CYP4X1: variants seen among roughly 807,000 people sequenced by gnomAD.
CYP4X1 encodes cytochrome P450 family 4 subfamily X member 1, also known as cytochrome P450 4X1.
In CYP4X1, 44 loss-of-function variants were observed where a neutral mutation model predicts 57.9. The observed-to-expected ratio is 0.76, with a 90% CI of 0.60 to 0.98. The LOEUF is 0.98. Ranked by LOEUF, CYP4X1 falls within the 50% of genes least tolerant of loss-of-function variation. The pLI is 0.00. For synonymous variants in CYP4X1, 227 were observed against 228.6 expected (o/e 0.99, Z 0.06); for missense variants, 532 against 623.9 (o/e 0.85, Z 1.57).
At position 47,050,423 on chromosome 1, in the gene CYP4X1, CAATAGA is replaced by C; in HGVS notation, c.*250_*255del. ...TCACTACTATTAATGCTGTATACAC[CAATAGA>C]CTTTCATATATTTTCTGTTGTTTTT... On this transcript the variant is annotated 3_prime_UTR_variant, in exon 12 of 12. Coordinates refer to ENST00000371901, the MANE Select transcript of CYP4X1 (RefSeq NM_178033.2). 3.3e-6 allele frequency: 1 copy of C among 306,430 alleles called. No individual in the cohort carries two copies. Among genetic ancestry groups the C allele is most frequent in the Non-Finnish European group, 6.0e-6 (1 of 166,288 alleles). The allele number at this position is 306,430 out of a possible 1,614,324, so 19.0% of individuals were successfully genotyped here. A position where few individuals can be genotyped will look rare whatever the true frequency, so the allele number is the denominator to read the frequency against.
At chr1:46,969,613 A>C in the CYP4X1 span, among the ~76,000 whole-genome samples, 1 of 152,198 alleles carries the variant, frequency 6.6e-6, no homozygotes, top group Non-Finnish European at 1.5e-5. Context: ...TGTTTTTGGC[A>C]TTCATATTTC....
At chr1:47,027,046 T>G (rs965593899) in intron 1 of CYP4X1, among the ~76,000 whole-genome samples, 1 of 152,222 alleles carries the variant, frequency 6.6e-6, no homozygotes, top group African/African-American at 2.4e-5. Context: ...TGTTTTTGTA[T>G]TTTTCAAAGT....
At chr1:46,969,180 TC>T in the CYP4X1 span, among the ~76,000 whole-genome samples, 1 of 152,164 alleles carries the variant, frequency 6.6e-6, no homozygotes. Flanking sequence ...GTCTGGGACT[TC>T]CCTGCACCCG....
the CYP4X1 span, among the ~76,000 whole-genome samples, chr1:46,981,078 A>C: frequency 6.6e-6 from 1 of 152,196 alleles, no homozygotes; most frequent in African/African-American, 2.4e-5. Context: ...ACGGGTAAGG[A>C]CTTCATGACT....
chr1:47,002,562 A>G, the CYP4X1 span, among the ~76,000 whole-genome samples: 3 of 152,242 alleles, frequency 2.0e-5, no homozygotes, highest in Non-Finnish European at 4.4e-5. Context: ...ACTTATTTAG[A>G]AAAACCTTGT....
intron 7 of CYP4X1, among the ~76,000 whole-genome samples, chr1:47,039,055 G>A (rs780241413): frequency 1.1e-4 from 16 of 152,090 alleles, no homozygotes; most frequent in East Asian, 3.9e-4. Context: ...ATGGATAAAC[G>A]TAAAAATTAT....
chr1:46,982,040 T>A, the CYP4X1 span, among the ~76,000 whole-genome samples: 1,777 of 152,230 alleles, frequency 0.012, 33 homozygotes, highest in African/African-American at 0.041. Flanking sequence ...AAATGACAAG[T>A]TACTGGGTGC....
the CYP4X1 span, among the ~76,000 whole-genome samples, chr1:46,999,642 G>A: frequency 3.0e-4 from 46 of 151,996 alleles, no homozygotes; most frequent in East Asian, 8.9e-3. Context: ...TAGTTCCTTA[G>A]GTGTGGCATT....
At chr1:46,968,625 G>T in the CYP4X1 span, among the ~76,000 whole-genome samples, 3 of 152,144 alleles carry the variant, frequency 2.0e-5, no homozygotes, top group Non-Finnish European at 2.9e-5. Flanking sequence ...CCTTATCCAT[G>T]AACAGTCACA....
At chr1:46,968,957 GC>G in the CYP4X1 span, among the ~76,000 whole-genome samples, 1 of 152,198 alleles carries the variant, frequency 6.6e-6, no homozygotes, top group Non-Finnish European at 1.5e-5. Context: ...TTAGTTCTGA[GC>G]TCGAATTTGT....
the CYP4X1 span, among the ~76,000 whole-genome samples, chr1:47,007,009 T>A: frequency 6.6e-6 from 1 of 152,200 alleles, no homozygotes; most frequent in African/African-American, 2.4e-5. Flanking sequence ...GGGCAGGGCA[T>A]AGCCAAACAA....
chr1:46,994,227 G>T, the CYP4X1 span, among the ~76,000 whole-genome samples: 1 of 151,890 alleles, frequency 6.6e-6, no homozygotes, highest in Non-Finnish European at 1.5e-5. Flanking sequence ...GTTTGTCAAA[G>T]ATCAGATGGT....
At chr1:47,001,008 A>G in the CYP4X1 span, 6 of 221,976 alleles carry the variant, frequency 2.7e-5, no homozygotes, top group African/African-American at 1.4e-4. Context: ...CAGGATCAGA[A>G]AACAGCTTAA....
the CYP4X1 span, among the ~76,000 whole-genome samples, chr1:47,009,094 C>T: frequency 6.6e-6 from 1 of 152,188 alleles, no homozygotes; most frequent in Non-Finnish European, 1.5e-5. Context: ...GAACTCTCCA[C>T]CCAAGATCAA....
At chr1:47,017,503 A>G in the CYP4X1 span, among the ~76,000 whole-genome samples, 1 of 152,138 alleles carries the variant, frequency 6.6e-6, no homozygotes, top group African/African-American at 2.4e-5. Flanking sequence ...GGATTGGGGA[A>G]GATAGATTCT....
At chr1:47,011,897 A>T in the CYP4X1 span, among the ~76,000 whole-genome samples, 2 of 152,240 alleles carry the variant, frequency 1.3e-5, no homozygotes, top group Non-Finnish European at 2.9e-5. Context: ...ATCATTAAAA[A>T]GTCAGGAAAC....
At chr1:46,983,272 T>G in the CYP4X1 span, among the ~76,000 whole-genome samples, 1 of 152,054 alleles carries the variant, frequency 6.6e-6, no homozygotes. Context: ...ATGGAAGCAT[T>G]CAGCAGGGGA....
At chr1:47,034,140 T>C (rs1644153269) in intron 4 of CYP4X1, among the ~76,000 whole-genome samples, 1 of 152,182 alleles carries the variant, frequency 6.6e-6, no homozygotes, top group Non-Finnish European at 1.5e-5. Context: ...TGGACTTGAA[T>C]ATGTAGGTAA....
At chr1:47,040,738 T>G (rs560004001) in intron 8 of CYP4X1, among the ~76,000 whole-genome samples, 138 of 152,190 alleles carry the variant, frequency 9.1e-4, no homozygotes, top group Non-Finnish European at 1.6e-3. Flanking sequence ...ATGTATACAC[T>G]GTGGAATGAC....
Sources: allele counts gnomAD v4.1 joint callset (sites outside exome capture counted in the v4.1 genomes callset), GRCh38; gene constraint gnomAD v4.1.1; transcripts MANE v1.5; gene names NCBI Gene and HGNC (gene_info 2026-07-23, HGNC 2026-07-21).